The following FBXW11 variants were observed in gnomAD, a reference collection of about 807,000 sequenced individuals.
FBXW11 encodes the protein F-box and WD repeat domain containing 11.
In FBXW11, 19 loss-of-function variants were observed where a neutral mutation model predicts 77.6. The observed-to-expected ratio is 0.24, with a 90% CI of 0.17 to 0.36. The LOEUF is 0.36. Among genes scored for constraint, FBXW11 ranks in the 10% least tolerant of loss-of-function variants. The probability of loss-of-function intolerance (pLI) is 1.00; values close to 1 mark genes in which losing one functional copy is unlikely to be tolerated. For missense variants in FBXW11, 334 were observed against 704.2 expected (o/e 0.47, Z 5.95); for synonymous variants, 235 against 249.4 (o/e 0.94, Z 0.54).
At chr5:171,914,120 A>G (rs2113950527) in intron 3 of FBXW11, among the ~76,000 whole-genome samples, 1 of 152,364 alleles carries the variant, frequency 6.6e-6, no homozygotes, top group Middle Eastern at 3.4e-3. Context: ...TTTAGGCTAC[A>G]GCCAACTTCA....
chr5:171,873,072 T>G, intron 9 of FBXW11, 82 bp from the exon 10 acceptor site: 2 of 1,156,552 alleles, frequency 1.7e-6, no homozygotes, highest in Non-Finnish European at 2.5e-6. Context: ...AAGACAGAGC[T>G]TCTGATAATG....
intron 1 of FBXW11, among the ~76,000 whole-genome samples, chr5:172,004,304 T>C (rs1231169034): frequency 2.0e-5 from 3 of 152,226 alleles, no homozygotes; most frequent in Non-Finnish European, 4.4e-5. Flanking sequence ...ATCAAAATCC[T>C]TAAATAAAAG....
chr5:171,879,754 G>C (rs944092075), intron 7 of FBXW11, among the ~76,000 whole-genome samples: 6 of 152,104 alleles, frequency 3.9e-5, no homozygotes, highest in Non-Finnish European at 2.9e-5. Context: ...TCCTTCTTTG[G>C]TGAGATGTCT....
At chr5:171,878,622 G>GTGTT (rs1383858252) in intron 7 of FBXW11, among the ~76,000 whole-genome samples, 1 of 150,864 alleles carries the variant, frequency 6.6e-6, no homozygotes, top group Non-Finnish European at 1.5e-5. Context: ...GTGTGTGTGT[G>GTGTT]TGTGTGTGTG....
At chr5:171,924,055 G>C (rs1363974763) in intron 2 of FBXW11, among the ~76,000 whole-genome samples, 2 of 151,132 alleles carry the variant, frequency 1.3e-5, no homozygotes, top group African/African-American at 4.9e-5. Context: ...CTCCCGAGTA[G>C]CTGGGACTAC....
At chr5:171,911,883 A>T (rs1261261828) in intron 3 of FBXW11, among the ~76,000 whole-genome samples, 1 of 152,352 alleles carries the variant, frequency 6.6e-6, no homozygotes, top group Non-Finnish European at 1.5e-5. Context: ...CTAAAAACAA[A>T]ATAACCTCAA....
chr5:172,005,009 A>G (rs896997817), intron 1 of FBXW11, among the ~76,000 whole-genome samples: 8 of 152,162 alleles, frequency 5.3e-5, no homozygotes, highest in African/African-American at 1.9e-4. Context: ...CTGCCTCCAT[A>G]TTTATGCTAC....
chr5:171,977,058 G>C (rs1268183379), intron 1 of FBXW11, among the ~76,000 whole-genome samples: 3 of 151,406 alleles, frequency 2.0e-5, no homozygotes, highest in African/African-American at 4.9e-5. Flanking sequence ...AGAAATCTCT[G>C]GCCAGGCAGG....
intron 6 of FBXW11, among the ~76,000 whole-genome samples, chr5:171,897,961 A>C (rs974170745): frequency 1.3e-5 from 2 of 152,194 alleles, no homozygotes; most frequent in African/African-American, 4.8e-5. Context: ...ATGGTCAATT[A>C]ATTCTTAAAC....
chr5:171,901,855 A>G (rs1205753567), intron 4 of FBXW11, among the ~76,000 whole-genome samples: 2 of 152,192 alleles, frequency 1.3e-5, no homozygotes, highest in Non-Finnish European at 2.9e-5. Flanking sequence ...AGTCTCTAGA[A>G]TTCTGATTTT....
chr5:171,943,943 C>A (rs548866371), intron 2 of FBXW11, among the ~76,000 whole-genome samples: 1 of 152,008 alleles, frequency 6.6e-6, no homozygotes, highest in African/African-American at 2.4e-5. Flanking sequence ...GTAAACACTC[C>A]GGGAAACAAT....
At chr5:171,916,121 G>A (rs571812147) in intron 2 of FBXW11, among the ~76,000 whole-genome samples, 2 of 151,946 alleles carry the variant, frequency 1.3e-5, no homozygotes, top group East Asian at 3.9e-4. Flanking sequence ...GATAGCATTA[G>A]GAGATATACC....
chr5:171,880,884 C>T (rs775414648), intron 7 of FBXW11, among the ~76,000 whole-genome samples: 6 of 152,092 alleles, frequency 3.9e-5, no homozygotes, highest in African/African-American at 9.7e-5. Flanking sequence ...TTAGTGGAGA[C>T]GGAGTTTCAC....
chr5:171,876,400 G>A lies in FBXW11; in HGVS notation c.1106C>T (p.Ala369Val). Residue 369 changes from alanine to valine, a missense_variant, in exon 9 of 14, where the codon GCT (alanine) becomes GTT (valine). Transcript: ENST00000517395. This position sits in a 1 kb window ranked among gnomAD's most constrained non-coding sequence, Gnocchi z 4.2. ...KDRSIAVWDM[A>V]SATDITLRRV... ...GCGTAAAGTGATGTCGGTCGCAGAA[G>A]CCATGTCCCACACAGCAATGGAGCG... 1 of 1,614,134 alleles carries A rather than the reference G, an allele frequency of 6.2e-7. No individual in the cohort carries two copies. Among genetic ancestry groups the A allele is most frequent in the Non-Finnish European group, 8.5e-7 (1 of 1,180,006 alleles).
At chr5:171,952,434 TATATATATA>T (rs1343959395) in intron 2 of FBXW11, among the ~76,000 whole-genome samples, 1 of 15,584 alleles carries the variant, frequency 6.4e-5, no homozygotes, top group Non-Finnish European at 1.3e-4. Flanking sequence ...TATATATATA[TATATATATA>T]TATATTTTTT....
At chr5:171,994,541 A>G (rs1334688339) in intron 1 of FBXW11, among the ~76,000 whole-genome samples, 1 of 152,234 alleles carries the variant, frequency 6.6e-6, no homozygotes. Context: ...ATCTGAAAAA[A>G]ATTCAAAATT....
intron 5 of FBXW11, among the ~76,000 whole-genome samples, chr5:171,899,341 T>C (rs760281762): frequency 1.9e-4 from 29 of 152,196 alleles, no homozygotes; most frequent in African/African-American, 6.8e-4. Context: ...TTTCATTCCA[T>C]AGAGTTTAAT....
intron 2 of FBXW11, among the ~76,000 whole-genome samples, chr5:171,956,906 A>G (rs1763643219): frequency 6.6e-6 from 1 of 152,188 alleles, no homozygotes; most frequent in Non-Finnish European, 1.5e-5. Context: ...CCACCCCAAC[A>G]AGAGAGGGTC....
chr5:171,990,539 T>C (rs932292829), intron 1 of FBXW11, among the ~76,000 whole-genome samples: 1 of 152,156 alleles, frequency 6.6e-6, no homozygotes, highest in Non-Finnish European at 1.5e-5. Flanking sequence ...TTTATAGCAT[T>C]AACTGTAACA....
Sources: allele counts gnomAD v4.1 joint callset (sites outside exome capture counted in the v4.1 genomes callset), GRCh38; gene constraint gnomAD v4.1.1; non-coding constraint Gnocchi (gnomAD v3.1); transcripts MANE v1.5; gene names NCBI Gene and HGNC (gene_info 2026-07-23, HGNC 2026-07-21).